GALNTL5: variants seen among roughly 807,000 people sequenced by gnomAD.
GALNTL5 encodes inactive polypeptide N-acetylgalactosaminyltransferase-like protein 5.
Under a neutral mutation model 51.0 loss-of-function variants are expected in GALNTL5, and 44 were observed. That is an observed-to-expected ratio of 0.86 (90% CI 0.68 to 1.11). The LOEUF (loss-of-function observed/expected upper bound fraction) is 1.11. Among genes scored for constraint, GALNTL5 ranks in the 50% least tolerant of loss-of-function variants. The pLI is 0.00. For synonymous variants in GALNTL5, 192 were observed against 182.8 expected (o/e 1.05, Z -0.41); for missense variants, 528 against 531.8 (o/e 0.99, Z 0.07).
chr7:152,008,898 C>T (rs1485983138), intron 7 of GALNTL5, among the ~76,000 whole-genome samples: 2 of 152,134 alleles, frequency 1.3e-5, no homozygotes, highest in African/African-American at 4.8e-5. Flanking sequence ...AGGAGTTCAC[C>T]TCCTTTCAGG....
chr7:151,981,143 C>G (rs774080577), intron 3 of GALNTL5, among the ~76,000 whole-genome samples: 1 of 152,086 alleles, frequency 6.6e-6, no homozygotes, highest in East Asian at 1.9e-4. Context: ...CTTTTCCAGT[C>G]AATATTTGAT....
chr7:151,988,331 T>A (rs1454809812), intron 5 of GALNTL5, among the ~76,000 whole-genome samples: 1 of 152,134 alleles, frequency 6.6e-6, no homozygotes, highest in African/African-American at 2.4e-5. Context: ...CCTCCTACGA[T>A]CACGCCTCCT....
intron 3 of GALNTL5, among the ~76,000 whole-genome samples, chr7:151,982,647 AG>A (rs1212901582): frequency 2.0e-5 from 3 of 151,560 alleles, no homozygotes; most frequent in East Asian, 1.9e-4. Context: ...AAAAAAAAAA[AG>A]ATAAAACTAA....
chr7:151,998,285 T>C (rs572587077), intron 5 of GALNTL5, among the ~76,000 whole-genome samples: 72 of 152,214 alleles, frequency 4.7e-4, no homozygotes, highest in Non-Finnish European at 6.9e-4. Flanking sequence ...TTGCCTGTTT[T>C]ATGAATAAAG....
chr7:151,992,212 T>G (rs902874243), intron 5 of GALNTL5, among the ~76,000 whole-genome samples: 4 of 152,000 alleles, frequency 2.6e-5, no homozygotes, highest in Non-Finnish European at 5.9e-5. Flanking sequence ...ACCTCTAATG[T>G]TGATTAGAAG....
At chr7:151,987,850 G>C (rs566259861) in intron 5 of GALNTL5, among the ~76,000 whole-genome samples, 2 of 152,318 alleles carry the variant, frequency 1.3e-5, no homozygotes, top group Admixed American at 6.5e-5. Flanking sequence ...GTGGGCTAGG[G>C]GGAGCCCCAT....
chr7:152,013,280 A>C (rs995375457), intron 7 of GALNTL5, among the ~76,000 whole-genome samples: 1 of 152,094 alleles, frequency 6.6e-6, no homozygotes, highest in Non-Finnish European at 1.5e-5. Flanking sequence ...CCTGTGCTCA[A>C]AACCCCCAGA....
In GALNTL5 at chr7:152,007,913, G is replaced by T; in HGVS notation, c.995G>T (p.Trp332Leu). ...IGQYDKDMDF[W>L]GRENLELSLR... ...CAGTATGACAAGGATATGGATTTTT[G>T]GGGAAGAGAAAATTTGGAACTTTCA... The change falls in exon 7 of 9, where the codon TGG becomes TTG. Residue 332 changes from tryptophan to leucine, a missense_variant. Trp to Leu is a moderately conservative substitution (Grantham distance 61). Coordinates refer to ENST00000392800, the MANE Select transcript of GALNTL5 (RefSeq NM_145292.4). 1 of 1,608,162 alleles carries T rather than the reference G, an allele frequency of 6.2e-7. No individual in the cohort carries two copies. The highest frequency in any genetic ancestry group is 8.5e-7 in the Non-Finnish European group (1 of 1,175,494).
intron 3 of GALNTL5, among the ~76,000 whole-genome samples, chr7:151,976,821 C>T (rs1466689531): frequency 6.6e-6 from 1 of 152,086 alleles, no homozygotes; most frequent in African/African-American, 2.4e-5. Flanking sequence ...GCGTGCACCA[C>T]CACACCCGGT....
intron 8 of GALNTL5, among the ~76,000 whole-genome samples, chr7:152,018,685 G>T (rs1253939408): frequency 6.6e-6 from 1 of 152,118 alleles, no homozygotes; most frequent in African/African-American, 2.4e-5. Context: ...GGTCATCCAT[G>T]CTGTCTTGTC....
At chr7:151,961,239 G>A (rs62478446) in intron 1 of GALNTL5, among the ~76,000 whole-genome samples, 36,374 of 151,896 alleles carry the variant, frequency 0.24, 5,078 homozygotes, top group African/African-American at 0.36. Flanking sequence ...TGTAATCCCA[G>A]CACTTTGGGA....
intron 3 of GALNTL5, among the ~76,000 whole-genome samples, chr7:151,975,748 T>C (rs77235717): frequency 1.3e-3 from 194 of 152,288 alleles, no homozygotes; most frequent in African/African-American, 4.4e-3. Flanking sequence ...CCCATATGTT[T>C]TGGTATTTTT....
In GALNTL5 at chr7:151,998,171, T is replaced by G. The variant is rs576284736; in HGVS notation, c.659-4543T>G. Among the ~76,000 whole-genome samples, 173 of 152,258 alleles carry G rather than the reference T, an allele frequency of 1.1e-3. 2 individuals carry two copies. The highest frequency in any genetic ancestry group is 0.011 in the Admixed American group (169 of 15,290). On this transcript the variant is annotated intron_variant, in intron 5 of 8. Transcript: ENST00000392800. ...TTATAGTGAGCTATAATAGCACCAC[T>G]CCACTCCAGCCTGGGCAACAGAGTG...
At chr7:151,989,869 T>G (rs772256228) in intron 5 of GALNTL5, among the ~76,000 whole-genome samples, 3 of 152,218 alleles carry the variant, frequency 2.0e-5, no homozygotes, top group South Asian at 2.1e-4. Flanking sequence ...TTCTGTCGAT[T>G]TATCTGTTCA....
chr7:151,987,056 T>A, intron 4 of GALNTL5, 103 bp from the exon 5 acceptor site: 2 of 1,032,022 alleles, frequency 1.9e-6, no homozygotes, highest in South Asian at 3.4e-5. Flanking sequence ...TTAGAACTTC[T>A]GTGGAATAGC....
intron 4 of GALNTL5, among the ~76,000 whole-genome samples, chr7:151,986,885 C>G (rs1283747622): frequency 1.3e-5 from 2 of 151,166 alleles, no homozygotes; most frequent in Non-Finnish European, 2.9e-5. Context: ...ACCACTATGC[C>G]CGGCTAATTT....
chr7:151,994,945 G>A (rs1385734782), intron 5 of GALNTL5: 2 of 152,118 alleles, frequency 1.3e-5, no homozygotes, highest in African/African-American at 4.8e-5. Flanking sequence ...TTTTAGTAGA[G>A]ACGGGGTTTC....
chr7:151,992,061 T>A (rs1197417870), intron 5 of GALNTL5, among the ~76,000 whole-genome samples: 1 of 152,222 alleles, frequency 6.6e-6, no homozygotes, highest in Non-Finnish European at 1.5e-5. Context: ...GTTATATTTT[T>A]AAATTATTAC....
At chr7:152,014,586 C>T in intron 7 of GALNTL5, 58 bp from the exon 8 acceptor site, 1 of 1,513,780 alleles carries the variant, frequency 6.6e-7, no homozygotes, top group African/African-American at 1.4e-5. Flanking sequence ...GGTTTAAAAG[C>T]AGTTGCCTGT....
Sources: gnomAD v4.1 joint callset for allele counts (sites outside exome capture counted in the v4.1 genomes callset) on GRCh38, gnomAD v4.1.1 for gene constraint, MANE v1.5 for transcripts, NCBI Gene and HGNC (gene_info 2026-07-23, HGNC 2026-07-21) for gene names.